TNR: variants seen among roughly 807,000 people sequenced by gnomAD.
TNR encodes tenascin R.
In TNR, 45 loss-of-function variants were observed where a neutral mutation model predicts 150.4. The ratio of observed to expected loss-of-function variants is 0.30; its 90% confidence interval spans 0.24 to 0.38. The LOEUF is 0.38. Ranked by LOEUF, TNR falls within the 10% of genes least tolerant of loss-of-function variation. TNR has a pLI of 1.00. For missense variants in TNR, 1,544 were observed against 1,759.1 expected (o/e 0.88, Z 2.19); for synonymous variants, 687 against 678.4 (o/e 1.01, Z -0.20).
intron 2 of TNR, among the ~76,000 whole-genome samples, chr1:175,490,565 G>A (rs1471939326): frequency 6.6e-6 from 1 of 152,152 alleles, no homozygotes; most frequent in Non-Finnish European, 1.5e-5. Flanking sequence ...CAAAAGACAT[G>A]AACAGACACT....
chr1:175,473,040 A>G (rs1351021294), intron 2 of TNR, among the ~76,000 whole-genome samples: 2 of 152,236 alleles, frequency 1.3e-5, no homozygotes, highest in African/African-American at 4.8e-5. Context: ...GCTTTAAAAT[A>G]AGAGGTGGTC....
At chr1:175,382,807 A>G (rs1374822590) in intron 8 of TNR, among the ~76,000 whole-genome samples, 2 of 151,966 alleles carry the variant, frequency 1.3e-5, no homozygotes, top group Non-Finnish European at 2.9e-5. Flanking sequence ...GGCTTGAGGC[A>G]GGACAATCGC....
intron 2 of TNR, among the ~76,000 whole-genome samples, chr1:175,496,442 T>A (rs1277393882): frequency 7.2e-5 from 11 of 152,234 alleles, no homozygotes; most frequent in Non-Finnish European, 1.5e-5. Context: ...GCACGTACTC[T>A]TCTTGGTGAC....
intron 1 of TNR, among the ~76,000 whole-genome samples, chr1:175,610,761 C>T (rs563574021): frequency 7.2e-5 from 11 of 152,318 alleles, no homozygotes; most frequent in African/African-American, 2.4e-4. Flanking sequence ...CTAATAAAAC[C>T]TCTCCTTACT....
chr1:175,695,939 TGGATGGATGGAA>T (rs1479608226), intron 1 of TNR, among the ~76,000 whole-genome samples: 1 of 151,984 alleles, frequency 6.6e-6, no homozygotes, highest in Non-Finnish European at 1.5e-5. Flanking sequence ...ACATAATTGT[TGGATGGATGGAA>T]GGATGGATGC....
intron 7 of TNR, among the ~76,000 whole-genome samples, chr1:175,387,069 G>A (rs1652974943): frequency 6.6e-6 from 1 of 152,208 alleles, no homozygotes; most frequent in South Asian, 2.1e-4. Flanking sequence ...GCAGGTCAGG[G>A]CAACACCTGG....
intron 1 of TNR, among the ~76,000 whole-genome samples, chr1:175,575,813 A>G (rs919947938): frequency 1.3e-5 from 2 of 152,190 alleles, no homozygotes; most frequent in African/African-American, 4.8e-5. Context: ...CTGTCCCCAC[A>G]CAAGCAGTGA....
intron 1 of TNR, among the ~76,000 whole-genome samples, chr1:175,587,675 A>G (rs1421375152): frequency 6.6e-6 from 1 of 152,234 alleles, no homozygotes; most frequent in African/African-American, 2.4e-5. Flanking sequence ...ACTTTAAAAA[A>G]AAATCAGAGC....
At chr1:175,595,838 T>A (rs1662984292) in intron 1 of TNR, among the ~76,000 whole-genome samples, 1 of 152,208 alleles carries the variant, frequency 6.6e-6, no homozygotes, top group Non-Finnish European at 1.5e-5. Context: ...GTGCTAGCAT[T>A]TTGCACTTAT....
intron 2 of TNR, among the ~76,000 whole-genome samples, chr1:175,525,059 G>C (rs1438312783): frequency 2.0e-5 from 3 of 152,158 alleles, no homozygotes; most frequent in African/African-American, 7.2e-5. Context: ...GACCTGGTGG[G>C]AGGTACTTGA....
chr1:175,332,841 C>G (rs1489670645), intron 20 of TNR, among the ~76,000 whole-genome samples: 1 of 152,168 alleles, frequency 6.6e-6, no homozygotes, highest in East Asian at 1.9e-4. Context: ...TTCAGTGACT[C>G]TTATGTTAGA....
chr1:175,492,204 C>T (rs1658290676), intron 2 of TNR, among the ~76,000 whole-genome samples: 1 of 152,188 alleles, frequency 6.6e-6, no homozygotes, highest in Admixed American at 6.5e-5. Flanking sequence ...CTGGAGAAAG[C>T]CCAAGTTTGT....
chr1:175,688,949 A>G (rs1477508941), intron 1 of TNR, among the ~76,000 whole-genome samples: 1 of 152,214 alleles, frequency 6.6e-6, no homozygotes, highest in Non-Finnish European at 1.5e-5. Context: ...TGACCTCTGC[A>G]TGCTTGGCAC....
At chr1:175,727,812 T>C (rs368927750) in intron 1 of TNR, among the ~76,000 whole-genome samples, 49 of 151,948 alleles carry the variant, frequency 3.2e-4, no homozygotes, top group African/African-American at 1.2e-3. Context: ...GGCAGGAAAA[T>C]GAGGGACTGC....
At chr1:175,597,355 A>C (rs1294470561) in intron 1 of TNR, among the ~76,000 whole-genome samples, 1 of 152,174 alleles carries the variant, frequency 6.6e-6, no homozygotes, top group African/African-American at 2.4e-5. Flanking sequence ...GAATGTGAGA[A>C]GTGACTTTGT....
At chr1:175,480,726 A>G (rs1409708400) in intron 2 of TNR, among the ~76,000 whole-genome samples, 1 of 152,208 alleles carries the variant, frequency 6.6e-6, no homozygotes, top group East Asian at 1.9e-4. Flanking sequence ...GAGAGAGGCC[A>G]GATTTGAATT....
intron 2 of TNR, among the ~76,000 whole-genome samples, chr1:175,486,108 C>T (rs557760424): frequency 6.9e-6 from 1 of 144,364 alleles, no homozygotes; most frequent in Admixed American, 6.9e-5. Flanking sequence ...CTCAGAACAT[C>T]AAGCATTAGG....
intron 1 of TNR, among the ~76,000 whole-genome samples, chr1:175,627,065 G>A (rs1260322431): frequency 6.6e-6 from 1 of 152,184 alleles, no homozygotes; most frequent in Non-Finnish European, 1.5e-5. Flanking sequence ...CTGGCCTCCA[G>A]AACTCTGAGA....
In TNR at chr1:175,406,074, T is replaced by C. The variant is rs1329115808; in HGVS notation, c.499+142A>G. 2.6e-6 allele frequency: 3 copies of C among 1,143,976 alleles called. No homozygotes were observed. The Admixed American group carries it at 8.3e-5, about 32-fold the overall frequency. The allele number at this position is 1,143,976 out of a possible 1,614,324, so 70.9% of individuals were successfully genotyped here. On this transcript the variant is annotated intron_variant, in intron 3 of 22. Coordinates refer to ENST00000367674, the MANE Select transcript of TNR (RefSeq NM_003285.3). ...GCTACAGACTAGGACACTTTTTTCC[T>C]TTGACCGTGTGAAGAGATGCCGGGG...
Sources: allele counts gnomAD v4.1 joint callset (sites outside exome capture counted in the v4.1 genomes callset), GRCh38; gene constraint gnomAD v4.1.1; transcripts MANE v1.5; gene names NCBI Gene and HGNC (gene_info 2026-07-23, HGNC 2026-07-21).